The following MCC variants were observed in gnomAD, a reference collection of about 807,000 sequenced individuals.
MCC encodes MCC regulator of Wnt signaling pathway, also known as colorectal mutant cancer protein.
Under a neutral mutation model 116.2 loss-of-function variants are expected in MCC, and 90 were observed. The ratio of observed to expected loss-of-function variants is 0.77; its 90% CI spans 0.65 to 0.92. MCC has a LOEUF of 0.92. MCC is among the 40% of genes least tolerant of loss of function. MCC has a pLI of 0.00. For missense variants in MCC, 1,516 were observed against 1,312.2 expected (o/e 1.16, Z -2.40); for synonymous variants, 578 against 510.5 (o/e 1.13, Z -1.78).
intron 1 of MCC, among the ~76,000 whole-genome samples, chr5:113,395,788 A>G (rs1769512817): frequency 6.6e-6 from 1 of 152,070 alleles, no homozygotes; most frequent in Non-Finnish European, 1.5e-5. Context: ...ATATAAATAG[A>G]TATTAATTAT....
chr5:113,116,836 C>T (rs1757425844), intron 6 of MCC, among the ~76,000 whole-genome samples: 1 of 152,184 alleles, frequency 6.6e-6, no homozygotes, highest in Non-Finnish European at 1.5e-5. Context: ...TAGGAGAAAA[C>T]ACACAGTCAC....
At chr5:113,386,357 T>G (rs1769254558) in intron 1 of MCC, among the ~76,000 whole-genome samples, 1 of 152,164 alleles carries the variant, frequency 6.6e-6, no homozygotes. Context: ...CTGGTCAATG[T>G]CACTATGGTC....
At chr5:113,101,666 T>TG in intron 8 of MCC, 73 bp downstream of exon 8, 1 of 1,488,128 alleles carries the variant, frequency 6.7e-7, no homozygotes, top group Non-Finnish European at 9.3e-7. Context: ...ACGGTGCCCC[T>TG]GGTGCTATAC....
intron 3 of MCC, among the ~76,000 whole-genome samples, chr5:113,271,043 C>T (rs539160321): frequency 2.0e-5 from 3 of 152,248 alleles, no homozygotes; most frequent in African/African-American, 4.8e-5. Flanking sequence ...CATTTAACCA[C>T]GCCATTGATT....
chr5:113,219,676 C>G (rs1466011417), intron 3 of MCC, among the ~76,000 whole-genome samples: 1 of 152,090 alleles, frequency 6.6e-6, no homozygotes, highest in Admixed American at 6.5e-5. Flanking sequence ...TGAAACTTTC[C>G]ATAATAAAGT....
intron 7 of MCC, among the ~76,000 whole-genome samples, chr5:113,103,685 G>A (rs186616444): frequency 2.5e-4 from 38 of 152,244 alleles, no homozygotes; most frequent in Non-Finnish European, 4.0e-4. Flanking sequence ...TTACGTTGAA[G>A]GAATATAAAG....
chr5:113,421,542 A>G (rs1383957814), intron 1 of MCC, among the ~76,000 whole-genome samples: 1 of 152,182 alleles, frequency 6.6e-6, no homozygotes, highest in Non-Finnish European at 1.5e-5. Context: ...TAAGGCATCA[A>G]TACTTTTTGT....
At chr5:113,273,011 A>G (rs1373987071) in intron 3 of MCC, among the ~76,000 whole-genome samples, 4 of 152,260 alleles carry the variant, frequency 2.6e-5, no homozygotes, top group African/African-American at 9.6e-5. Flanking sequence ...AAGAGTTTAA[A>G]GAAGTTACTG....
chr5:113,337,954 A>G (rs1767911469), intron 3 of MCC, among the ~76,000 whole-genome samples: 1 of 152,160 alleles, frequency 6.6e-6, no homozygotes, highest in African/African-American at 2.4e-5. Context: ...CCGCAAACAC[A>G]ATGGTTAAAA....
intron 12 of MCC, among the ~76,000 whole-genome samples, chr5:113,069,494 G>C (rs1361503203): frequency 1.3e-5 from 2 of 152,280 alleles, no homozygotes; most frequent in African/African-American, 4.8e-5. Context: ...CTTTAAGAAA[G>C]TAACTGTCTA....
At chr5:113,270,455 A>G (rs1426964998) in intron 3 of MCC, among the ~76,000 whole-genome samples, 5 of 151,686 alleles carry the variant, frequency 3.3e-5, no homozygotes, top group African/African-American at 4.9e-5. Flanking sequence ...TTAGGAAAAA[A>G]GAGAACCATA....
At chr5:113,485,413 G>A (rs554447381) in intron 1 of MCC, among the ~76,000 whole-genome samples, 5 of 152,304 alleles carry the variant, frequency 3.3e-5, no homozygotes, top group African/African-American at 9.6e-5. Context: ...AGGAGGTAAT[G>A]TGCCTAGTTG....
chr5:113,316,100 A>G (rs1226473461), intron 3 of MCC, among the ~76,000 whole-genome samples: 1 of 152,040 alleles, frequency 6.6e-6, no homozygotes, highest in Admixed American at 6.6e-5. Context: ...TACTAAAAAT[A>G]CAAAACTTAG....
rs1006813028 is a variant in MCC, at chr5:113,026,990, G to A, written c.*312C>T. 14 of 309,632 alleles carry A rather than the reference G, an allele frequency of 4.5e-5. No individual in the cohort carries two copies. Among genetic ancestry groups the A allele is most frequent in the African/African-American group, 1.7e-4 (8 of 46,586 alleles). The allele number at this position is 309,632 out of a possible 1,614,324, so 19.2% of individuals were successfully genotyped here. A position where few individuals can be genotyped will look rare whatever the true frequency, so the allele number is the denominator to read the frequency against. On this transcript the variant is annotated 3_prime_UTR_variant, in exon 19 of 19. Transcript: ENST00000408903. The stretch of plus-strand genomic sequence containing the variant: ...TCTGGGATCCCACTGATGCACAGCC[G>A]CCAGACCAGAAGAGGAGGGGGAGAG...
At chr5:113,389,724 C>T (rs1208571874) in intron 1 of MCC, among the ~76,000 whole-genome samples, 1 of 152,144 alleles carries the variant, frequency 6.6e-6, no homozygotes, top group African/African-American at 2.4e-5. Flanking sequence ...GTGTGCAGCA[C>T]CCAGCACACC....
At chr5:113,306,898 G>GA (rs910186460) in intron 3 of MCC, among the ~76,000 whole-genome samples, 4 of 149,048 alleles carry the variant, frequency 2.7e-5, no homozygotes, top group East Asian at 2.0e-4. Context: ...ACTTATTATT[G>GA]AAAAAAAAAG....
intron 1 of MCC, among the ~76,000 whole-genome samples, chr5:113,421,935 G>C (rs1446600437): frequency 6.6e-6 from 1 of 152,198 alleles, no homozygotes; most frequent in East Asian, 1.9e-4. Flanking sequence ...GCTAGTGACA[G>C]TATAAATAAG....
chr5:113,382,077 T>C (rs1769138194), intron 2 of MCC, among the ~76,000 whole-genome samples: 1 of 151,984 alleles, frequency 6.6e-6, no homozygotes, highest in African/African-American at 2.4e-5. Flanking sequence ...GGACTGAAGA[T>C]GGTAAGAGTT....
At chr5:113,410,157 T>A (rs1016693000) in intron 1 of MCC, among the ~76,000 whole-genome samples, 1 of 152,296 alleles carries the variant, frequency 6.6e-6, no homozygotes, top group East Asian at 1.9e-4. Flanking sequence ...GTACTCCATG[T>A]AGCAAAAAAT....
Sources: allele counts gnomAD v4.1 joint callset (sites outside exome capture counted in the v4.1 genomes callset), GRCh38; gene constraint gnomAD v4.1.1; transcripts MANE v1.5; gene names NCBI Gene and HGNC (gene_info 2026-07-23, HGNC 2026-07-21).